The following PEG3 variants were observed in gnomAD, a reference collection of about 807,000 sequenced individuals.
PEG3 encodes the protein paternally-expressed gene 3 protein.
A neutral mutation model predicts 35.5 loss-of-function variants in PEG3; 23 were observed. That is an observed-to-expected ratio of 0.65 (90% CI 0.47 to 0.92). The LOEUF (loss-of-function observed/expected upper bound fraction) is 0.92. Ranked by LOEUF, PEG3 falls within the 40% of genes least tolerant of loss-of-function variation. The probability of loss-of-function intolerance (pLI) is 0.00; values close to 1 mark genes in which losing one functional copy is unlikely to be tolerated. For synonymous variants in PEG3, 707 were observed against 697.0 expected (o/e 1.01, Z -0.23); for missense variants, 1,960 against 1,985.3 (o/e 0.99, Z 0.24).
chr19:56,826,287 ACT>A (rs949062687), intron 3 of PEG3, 99 bp downstream of exon 3: 3 of 152,086 alleles, frequency 2.0e-5, no homozygotes, highest in African/African-American at 4.8e-5. Flanking sequence ...AGACGGCCCA[ACT>A]CTGTTATGTG....
intron 2 of PEG3, among the ~76,000 whole-genome samples, chr19:56,832,312 T>A (rs1044661508): frequency 6.6e-6 from 1 of 152,074 alleles, no homozygotes; most frequent in Non-Finnish European, 1.5e-5. Context: ...CCTCTGACCC[T>A]TAAGCACTCC....
chr19:56,812,564 C>G lies in PEG3; in HGVS notation c.*1111G>C. 1.0e-6 allele frequency: 1 copy of G among 985,714 alleles called. No homozygotes were observed. The allele number at this position is 985,714 out of a possible 1,614,324, so 61.1% of individuals were successfully genotyped here. On this transcript the variant is annotated 3_prime_UTR_variant, in exon 10 of 10. Transcript: ENST00000326441. ...TGACTTGTGGCAGCATAAGCTGATGCTGCACAGGGGACCCAAGCCATGTTG... is the reference window on the plus strand; with the variant it reads ...TGACTTGTGGCAGCATAAGCTGATGGTGCACAGGGGACCCAAGCCATGTTG...
Position 56,811,396 on chromosome 19 carries a change from G to A in PEG3, c.*2279C>T. On this transcript the variant is annotated 3_prime_UTR_variant, in exon 10 of 10. Transcript: ENST00000326441. ...TAGTATAAATATACTTTCGTGTCCT[G>A]CTTTCTCCACTTAATGTTCTGTAAA... The A allele has an allele frequency of 2.3e-6, 2 of 873,778 alleles. No individual in the cohort carries two copies. The highest frequency in any genetic ancestry group is 2.7e-6 in the Non-Finnish European group (2 of 728,082). 54.1% of individuals were successfully genotyped at this position (873,778 alleles called of 1,614,324 possible). A position where few individuals can be genotyped will look rare whatever the true frequency, so the allele number is the denominator to read the frequency against.
Position 56,824,467 on chromosome 19 carries a change from G to C in PEG3, c.189C>G (p.Thr63=), listed in dbSNP as rs2060819102. The C allele has an allele frequency of 1.9e-6, 3 of 1,613,852 alleles. No individual in the cohort carries two copies. The highest frequency in any genetic ancestry group is 2.5e-6 in the Non-Finnish European group (3 of 1,180,012). Residue 63 remains threonine, a synonymous_variant, in exon 4 of 10, where the codon ACC becomes ACG. Coordinates refer to ENST00000326441, the MANE Select transcript of PEG3 (RefSeq NM_006210.3). ...IYVEFVGPRK[T]LIKLRNLCLD... ...GGCAGAGGTTTCGGAGTTTGATCAG[G>C]GTCTTCCGAGGCCCAACAAATTCCA... is the stretch of plus-strand genomic sequence containing the variant.
chr19:56,814,675 C>T lies in PEG3; in HGVS notation c.3767G>A (p.Ser1256Asn). ...AATGATAGCTTCCTCAGCCATCTGG[C>T]TCTGCTCCAGTAAATCATCTTCCCT... ...LHREDDLLEQ[S>N]QMAEEAIIPG... is the part of the protein sequence containing the mutation. The change falls in exon 10 of 10, where the codon AGC becomes AAC. Residue 1256 changes from serine to asparagine, a missense_variant. Coordinates refer to ENST00000326441, the MANE Select transcript of PEG3 (RefSeq NM_006210.3). This position sits in a 1 kb window ranked among gnomAD's most constrained non-coding sequence, Gnocchi z 5.8. 2 of 1,614,090 alleles carry T rather than the reference C, an allele frequency of 1.2e-6. No homozygotes were observed. The highest frequency in any genetic ancestry group is 2.2e-5 in the South Asian group (2 of 91,072).
Position 56,824,611 on chromosome 19 carries a change from G to C in PEG3, c.45C>G (p.Ser15=). ...KHLSATKPKK[S]WAPNLYELDS... ...CTAGCTCATACAGATTTGGGGCCCA[G>C]GACTTCTTAGGTTTGGTGGCAGACA... Residue 15 remains serine (S), a synonymous_variant, in exon 4 of 10, where the codon TCC becomes TCG. Coordinates refer to ENST00000326441, the MANE Select transcript of PEG3 (RefSeq NM_006210.3). 2 of 1,607,338 alleles carry C rather than the reference G, an allele frequency of 1.2e-6. No homozygotes were observed. The highest frequency in any genetic ancestry group is 1.1e-5 in the South Asian group (1 of 90,982).
chr19:56,819,404 C>T (rs2060271380), intron 7 of PEG3, among the ~76,000 whole-genome samples: 1 of 152,134 alleles, frequency 6.6e-6, no homozygotes, highest in Admixed American at 6.5e-5. Flanking sequence ...TTTTAAAATT[C>T]CTCACATTAC....
chr19:56,819,198 G>A (rs2060253112), intron 7 of PEG3, among the ~76,000 whole-genome samples: 1 of 152,104 alleles, frequency 6.6e-6, no homozygotes, highest in Non-Finnish European at 1.5e-5. Context: ...ACAGAAAGAA[G>A]ACACACACAT....
rs370699815 is a variant in PEG3, at chr19:56,814,729, G to C, written c.3713C>G (p.Ser1238Cys). ...AAGTCTCATATGCTCATTAAGGGCA[G>C]AGCTATGAATGAAGCCTTGTCCACA... is the stretch of plus-strand genomic sequence containing the variant. ...LLCGQGFIHS[S>C]ALNEHMRLHR... Residue 1238 changes from serine (S) to cysteine (C), a missense_variant, in exon 10 of 10, where the codon TCT becomes TGT. Physicochemically the swap from Ser to Cys is moderately radical, Grantham distance 112. This residue lies in a region of PEG3 where 124 missense variants were observed against 179.6 expected (regional missense o/e 0.69). Coordinates refer to ENST00000326441, the MANE Select transcript of PEG3 (RefSeq NM_006210.3). The surrounding 1 kb of genome is among the most constrained non-coding windows in gnomAD (Gnocchi z 5.8). 58 of 1,613,968 alleles carry C rather than the reference G, an allele frequency of 3.6e-5. No individual in the cohort carries two copies. Among genetic ancestry groups the C allele is most frequent in the Non-Finnish European group, 4.8e-5 (57 of 1,180,012 alleles).
In PEG3 at chr19:56,815,504, G is replaced by C. The variant is rs768254699; in HGVS notation, c.2938C>G (p.His980Asp). Residue 980 changes from histidine (H) to aspartate (D), a missense_variant, in exon 10 of 10, where the codon CAT (histidine) becomes GAT (aspartate). By Grantham distance (81) the His-to-Asp change is moderately conservative. Around this residue, in one of 5 missense-constraint regions of PEG3, gnomAD observed 798 missense variants for 782.4 expected, o/e 1.02. Coordinates refer to ENST00000326441, the MANE Select transcript of PEG3 (RefSeq NM_006210.3). ...TGGTGCTCAGTGAGGTCAGAGCTAT[G>C]AGCAAAGCACTCCCCACACTCCTGA... ...ECQECGECFA[H>D]SSDLTEHQKI... 1.9e-6 allele frequency: 3 copies of C among 1,614,154 alleles called. No individual in the cohort carries two copies. Among genetic ancestry groups the C allele is most frequent in the Non-Finnish European group, 8.5e-7 (1 of 1,180,012 alleles).
intron 1 of PEG3, among the ~76,000 whole-genome samples, chr19:56,839,103 C>A (rs566842853): frequency 6.6e-6 from 1 of 151,874 alleles, no homozygotes; most frequent in East Asian, 2.0e-4. Flanking sequence ...AGCGCCTGCG[C>A]AGCAAATCTC....
At position 56,816,002 on chromosome 19, in the gene PEG3, T is replaced by C; in HGVS notation, c.2440A>G (p.Asn814Asp). Residue 814 changes from asparagine (N) to aspartate (D), a missense_variant, in exon 10 of 10, where the codon AAC becomes GAC. Coordinates refer to ENST00000326441, the MANE Select transcript of PEG3 (RefSeq NM_006210.3). ...ESTIQSFDAI[N>D]HQRVRAGGNT... Reference sequence around the variant, plus strand: ...CCTCCAGCACGAACTCTCTGATGGTTGATAGCATCGAAGCTCTGAATGGTA... The same window carrying C: ...CCTCCAGCACGAACTCTCTGATGGTCGATAGCATCGAAGCTCTGAATGGTA... 2 of 1,588,416 alleles carry C rather than the reference T, an allele frequency of 1.3e-6. No individual in the cohort carries two copies. The highest frequency in any genetic ancestry group is 1.7e-6 in the Non-Finnish European group (2 of 1,167,868).
Position 56,812,792 on chromosome 19 carries a change from T to C in PEG3, c.*883A>G. 1 of 977,220 alleles carries C rather than the reference T, an allele frequency of 1.0e-6. No individual in the cohort carries two copies. The highest frequency in any genetic ancestry group is 1.2e-6 in the Non-Finnish European group (1 of 825,986). 60.5% of individuals were successfully genotyped at this position (977,220 alleles called of 1,614,324 possible). On this transcript the variant is annotated 3_prime_UTR_variant, in exon 10 of 10. Coordinates refer to ENST00000326441, the MANE Select transcript of PEG3 (RefSeq NM_006210.3). Reference sequence around the variant, plus strand: ...AAAGCTTCGGGTTTTATCAATTCACTATCATCAAACACATATTGAGTTGGT... The same window carrying C: ...AAAGCTTCGGGTTTTATCAATTCACCATCATCAAACACATATTGAGTTGGT...
At chr19:56,838,002 C>G (rs1195733287) in intron 1 of PEG3, among the ~76,000 whole-genome samples, 3 of 152,340 alleles carry the variant, frequency 2.0e-5, no homozygotes, top group Admixed American at 6.5e-5. Flanking sequence ...CAAGACAAAG[C>G]AGACCCTCCC....
chr19:56,817,142 G>A lies in PEG3; in HGVS notation c.1300C>T (p.Leu434Phe). The A allele has an allele frequency of 6.2e-7, 1 of 1,614,092 alleles. No homozygotes were observed. Among genetic ancestry groups the A allele is most frequent in the South Asian group, 1.1e-5 (1 of 91,080 alleles). Reference sequence around the variant, plus strand: ...GACTCGGTAAAGGAGGGGGAGCTGAGGCTGCTCAGGCTGCTCACGCTCATG... The same window carrying A: ...GACTCGGTAAAGGAGGGGGAGCTGAAGCTGCTCAGGCTGCTCACGCTCATG... Reference protein sequence around the residue: ...KAMSVSSLSSLSSPSFTESQP... With the variant: ...KAMSVSSLSSFSSPSFTESQP... The change falls in exon 10 of 10, where the codon CTC (leucine) becomes TTC (phenylalanine). Residue 434 changes from leucine (L) to phenylalanine (F), a missense_variant. Leu to Phe is a conservative substitution (Grantham distance 22). Coordinates refer to ENST00000326441, the MANE Select transcript of PEG3 (RefSeq NM_006210.3).
intron 3 of PEG3, 132 bp from the exon 4 acceptor site, chr19:56,824,873 C>T (rs1418488011): frequency 3.7e-6 from 2 of 535,988 alleles, no homozygotes; most frequent in African/African-American, 3.8e-5. Flanking sequence ...AACAACCGCA[C>T]AAAGTTGGCC....
chr19:56,832,110 C>T lies in PEG3; in HGVS notation c.-163+3908G>A, dbSNP rs146268074. 7.0e-3 allele frequency among the ~76,000 whole-genome samples: 1,069 copies of T among 152,258 alleles called. 10 individuals are homozygous for T. The highest frequency in any genetic ancestry group is 0.025 in the African/African-American group (1,023 of 41,550). ...TATCAGAATAAATGATTAATAATAA[C>T]AAGTCTCTGTTTCTTTTTCCATCTC... On this transcript the variant is annotated intron_variant, in intron 2 of 9. Transcript: ENST00000326441.
rs2146073159 is a variant in PEG3, at chr19:56,810,921, T to A, written c.*2754A>T. The A allele has an allele frequency of 3.1e-6, 3 of 965,456 alleles. No homozygotes were observed. Among genetic ancestry groups the A allele is most frequent in the Non-Finnish European group, 3.7e-6 (3 of 811,812 alleles). The allele number at this position is 965,456 out of a possible 1,614,324, so 59.8% of individuals were successfully genotyped here. ...ACATAATACACTGTTATCAGGACATTATTATAGGGAACATTTGAAAAAATT... is the reference window on the plus strand; with the variant it reads ...ACATAATACACTGTTATCAGGACATAATTATAGGGAACATTTGAAAAAATT... On this transcript the variant is annotated 3_prime_UTR_variant, in exon 10 of 10. Coordinates refer to ENST00000326441, the MANE Select transcript of PEG3 (RefSeq NM_006210.3).
rs892868123 is a variant in PEG3, at chr19:56,810,193, G to A, written c.*3482C>T. On this transcript the variant is annotated 3_prime_UTR_variant, in exon 10 of 10. Coordinates refer to ENST00000326441, the MANE Select transcript of PEG3 (RefSeq NM_006210.3). ...AAACAAGATGAAGAAAATATATCAA[G>A]ATGTTAACCACACTCTTTGGATGGT... 2.0e-6 allele frequency: 2 copies of A among 980,332 alleles called. No homozygotes were observed. The highest frequency in any genetic ancestry group is 3.5e-5 in the African/African-American group (2 of 57,036). The allele number at this position is 980,332 out of a possible 1,614,324, so 60.7% of individuals were successfully genotyped here.
Sources: gnomAD v4.1 joint callset for allele counts (sites outside exome capture counted in the v4.1 genomes callset) on GRCh38, gnomAD v4.1.1 for gene constraint, gnomAD v4.1.1 regional missense constraint, Gnocchi (gnomAD v3.1) non-coding constraint, MANE v1.5 for transcripts, NCBI Gene and HGNC (gene_info 2026-07-23, HGNC 2026-07-21) for gene names.